VPS13B: variants seen among roughly 807,000 people sequenced by gnomAD.
VPS13B encodes vacuolar protein sorting 13 homolog B, also known as intermembrane lipid transfer protein VPS13B.
VPS13B carries 285 observed loss-of-function variants against 426.4 expected under a neutral mutation model. The observed-to-expected ratio is 0.67, with a 90% CI of 0.61 to 0.74. VPS13B has a LOEUF of 0.74. VPS13B is among the 30% of genes least tolerant of loss of function. The pLI, the probability that VPS13B is intolerant of heterozygous loss-of-function variation, is 0.00. For missense variants in VPS13B, 4,537 were observed against 4,782.6 expected (o/e 0.95, Z 1.51); for synonymous variants, 1,676 against 1,676.4 (o/e 1.00, Z 0.01).
chr8:99,384,454 A>T (rs1814007042), intron 20 of VPS13B, 137 bp downstream of exon 20: 1 of 718,090 alleles, frequency 1.4e-6, no homozygotes, highest in Admixed American at 2.4e-5. Context: ...TACCCCTTTC[A>T]AACAATTCCG....
intron 25 of VPS13B, among the ~76,000 whole-genome samples, chr8:99,485,635 A>G (rs1563755388): frequency 6.6e-6 from 1 of 152,190 alleles, no homozygotes; most frequent in East Asian, 1.9e-4. Flanking sequence ...CAACACATAT[A>G]TTCTATATTT....
intron 7 of VPS13B, among the ~76,000 whole-genome samples, chr8:99,117,123 A>T (rs1411872944): frequency 6.6e-6 from 1 of 152,190 alleles, no homozygotes; most frequent in East Asian, 1.9e-4. Flanking sequence ...TCCATAGATA[A>T]AGCCCTAAGA....
intron 4 of VPS13B, among the ~76,000 whole-genome samples, chr8:99,097,238 G>T (rs1846475876): frequency 1.3e-5 from 2 of 152,268 alleles, no homozygotes; most frequent in East Asian, 1.9e-4. Context: ...AATGGATTAT[G>T]CTTCAAAGTA....
intron 35 of VPS13B, 24 bp from the exon 36 acceptor site, chr8:99,699,501 G>T: frequency 1.2e-6 from 2 of 1,610,902 alleles, no homozygotes; most frequent in Non-Finnish European, 1.7e-6. Flanking sequence ...TTCAATAATT[G>T]TTTTCTCTTT....
At chr8:99,485,805 T>C (rs1162525701) in intron 25 of VPS13B, among the ~76,000 whole-genome samples, 3 of 152,200 alleles carry the variant, frequency 2.0e-5, no homozygotes, top group African/African-American at 7.2e-5. Context: ...ATAAAGGCTT[T>C]TGAATAGATT....
At chr8:99,347,857 T>A (rs940514411) in intron 19 of VPS13B, 2 of 152,286 alleles carry the variant, frequency 1.3e-5, no homozygotes, top group Admixed American at 1.3e-4. Context: ...AAGCCCACAC[T>A]GTAGTTCACA....
chr8:99,317,409 A>G (rs1809733140), intron 19 of VPS13B, among the ~76,000 whole-genome samples: 1 of 152,138 alleles, frequency 6.6e-6, no homozygotes, highest in Admixed American at 6.5e-5. Context: ...AGCTGTTTTG[A>G]AGTATGCATA....
At chr8:99,185,937 A>G (rs369299782) in intron 16 of VPS13B, among the ~76,000 whole-genome samples, 4 of 152,116 alleles carry the variant, frequency 2.6e-5, no homozygotes, top group African/African-American at 9.7e-5. Flanking sequence ...ATTCATTTTT[A>G]GTCTTCGCTA....
At chr8:99,738,159 A>G (rs1185807866) in intron 39 of VPS13B, among the ~76,000 whole-genome samples, 3 of 152,256 alleles carry the variant, frequency 2.0e-5, no homozygotes, top group South Asian at 2.1e-4. Flanking sequence ...AGTTTTATCT[A>G]TATTTGTTGA....
intron 31 of VPS13B, among the ~76,000 whole-genome samples, chr8:99,569,060 G>C (rs2133793736): frequency 6.6e-6 from 1 of 151,198 alleles, no homozygotes; most frequent in South Asian, 2.1e-4. Context: ...CTGACCTCGT[G>C]ATCCGCCTGC....
At chr8:99,588,888 T>A (rs1460138995) in intron 33 of VPS13B, among the ~76,000 whole-genome samples, 1 of 151,836 alleles carries the variant, frequency 6.6e-6, no homozygotes, top group Non-Finnish European at 1.5e-5. Flanking sequence ...CCTTGTCTTG[T>A]GCTGGTTTTC....
chr8:99,532,849 T>C (rs181398678), intron 30 of VPS13B, among the ~76,000 whole-genome samples: 1 of 151,378 alleles, frequency 6.6e-6, no homozygotes. Context: ...AGCAGAAATT[T>C]ACTGTTTTAT....
intron 22 of VPS13B, among the ~76,000 whole-genome samples, chr8:99,441,429 A>G (rs1049229803): frequency 1.3e-5 from 2 of 152,132 alleles, no homozygotes; most frequent in Non-Finnish European, 2.9e-5. Context: ...TGAATTAAAA[A>G]AATTATTTTG....
chr8:99,625,106 G>A (rs1216801612), intron 33 of VPS13B, among the ~76,000 whole-genome samples: 1 of 152,038 alleles, frequency 6.6e-6, no homozygotes. Context: ...ATTAAAGCCT[G>A]AGAACACACA....
intron 44 of VPS13B, among the ~76,000 whole-genome samples, chr8:99,815,548 A>G (rs1258321576): frequency 6.7e-6 from 1 of 148,672 alleles, no homozygotes; most frequent in Non-Finnish European, 1.5e-5. Context: ...ACACCCTCAC[A>G]CACACACCCA....
intron 39 of VPS13B, among the ~76,000 whole-genome samples, chr8:99,733,155 C>T (rs1833672081): frequency 6.6e-6 from 1 of 152,186 alleles, no homozygotes. Context: ...GACTTGGTCT[C>T]TGTCAAATAG....
chr8:99,722,663 T>C (rs1833178417), intron 39 of VPS13B, among the ~76,000 whole-genome samples: 1 of 152,038 alleles, frequency 6.6e-6, no homozygotes, highest in Non-Finnish European at 1.5e-5. Context: ...TCCGCCACCA[T>C]GCCCAGCTAA....
intron 43 of VPS13B, among the ~76,000 whole-genome samples, chr8:99,803,061 A>G (rs984547304): frequency 3.3e-5 from 5 of 152,214 alleles, no homozygotes; most frequent in African/African-American, 9.6e-5. Context: ...ATGCTGCCAA[A>G]TTTTTATTAA....
intron 3 of VPS13B, among the ~76,000 whole-genome samples, chr8:99,093,224 G>A (rs1846239162): frequency 6.6e-6 from 1 of 151,896 alleles, no homozygotes; most frequent in Non-Finnish European, 1.5e-5. Context: ...ACTTGAAAAA[G>A]AACAGCCTCA....
Sources: allele counts gnomAD v4.1 joint callset (sites outside exome capture counted in the v4.1 genomes callset), GRCh38; gene constraint gnomAD v4.1.1; transcripts MANE v1.5; gene names NCBI Gene and HGNC (gene_info 2026-07-23, HGNC 2026-07-21).